Variants in PHAX observed in about 807,000 individuals in gnomAD.
PHAX encodes the protein phosphorylated adapter RNA export protein.
In PHAX, 31 loss-of-function variants were observed where a neutral mutation model predicts 41.6. That is an observed-to-expected ratio of 0.75 (90% confidence interval 0.56 to 1.01). PHAX has a LOEUF of 1.01. Ranked by LOEUF, PHAX falls within the 50% of genes least tolerant of loss-of-function variation. The pLI, the probability that PHAX is intolerant of heterozygous loss-of-function variation, is 0.00. For synonymous variants in PHAX, 175 were observed against 164.9 expected (o/e 1.06, Z -0.47); for missense variants, 453 against 472.9 (o/e 0.96, Z 0.39).
At chr5:126,620,580 T>G (rs911731205) in intron 4 of PHAX, among the ~76,000 whole-genome samples, 4 of 152,232 alleles carry the variant, frequency 2.6e-5, no homozygotes, top group African/African-American at 9.6e-5. Flanking sequence ...CACTGTATTA[T>G]GTCTTTGTAA....
intron 4 of PHAX, among the ~76,000 whole-genome samples, chr5:126,619,073 T>G (rs1433843153): frequency 6.6e-6 from 1 of 152,120 alleles, no homozygotes; most frequent in African/African-American, 2.4e-5. Context: ...ACAACAGACA[T>G]GCACCACTAT....
At chr5:126,622,472 T>C (rs971160795) in intron 4 of PHAX, among the ~76,000 whole-genome samples, 1 of 91,396 alleles carries the variant, frequency 1.1e-5, no homozygotes, top group Non-Finnish European at 2.0e-5. Context: ...TTTTTTTTTT[T>C]AGTAGAGATG....
At chr5:126,601,109 G>A (rs2112826762) in intron 1 of PHAX, 51 bp downstream of exon 1, 1 of 1,354,120 alleles carries the variant, frequency 7.4e-7, no homozygotes, top group Non-Finnish European at 1.0e-6. Flanking sequence ...CGGAGCCTGG[G>A]CCCCGGGGAG....
At chr5:126,602,457 G>A (rs1751918919) in intron 1 of PHAX, among the ~76,000 whole-genome samples, 1 of 152,246 alleles carries the variant, frequency 6.6e-6, no homozygotes, top group Non-Finnish European at 1.5e-5. Context: ...CAAGGATTCT[G>A]TGGAGCATAC....
intron 3 of PHAX, among the ~76,000 whole-genome samples, chr5:126,615,221 A>G (rs757280171): frequency 5.9e-5 from 9 of 152,034 alleles, no homozygotes; most frequent in Non-Finnish European, 1.3e-4. Context: ...CATAATTTAT[A>G]TGACTATGTG....
At chr5:126,615,508 C>CTTTTTTTTTTTT (rs35158448) in intron 3 of PHAX, among the ~76,000 whole-genome samples, 1 of 111,540 alleles carries the variant, frequency 9.0e-6, no homozygotes, top group Non-Finnish European at 1.9e-5. Flanking sequence ...ACATTCTGTG[C>CTTTTTTTTTTTT]TTTTTTTTTT....
chr5:126,603,215 A>G (rs1030263196), intron 1 of PHAX, among the ~76,000 whole-genome samples: 1 of 147,782 alleles, frequency 6.8e-6, no homozygotes, highest in Non-Finnish European at 1.5e-5. Context: ...CGGCCACAGA[A>G]CAAAACTTTG....
intron 4 of PHAX, among the ~76,000 whole-genome samples, chr5:126,621,256 G>C (rs930343471): frequency 2.0e-5 from 3 of 151,890 alleles, no homozygotes; most frequent in Non-Finnish European, 4.4e-5. Flanking sequence ...TGGCACTATC[G>C]TAGCTCACTG....
intron 3 of PHAX, among the ~76,000 whole-genome samples, chr5:126,611,544 G>A (rs1418552925): frequency 6.6e-6 from 1 of 152,104 alleles, no homozygotes; most frequent in Non-Finnish European, 1.5e-5. Context: ...CCAGCACTTT[G>A]GGGGGCCAAG....
At position 126,603,679 on chromosome 5, in the gene PHAX, GT is replaced by G; in HGVS notation, c.211del (p.Ser71LeufsTer101). 1 of 1,614,206 alleles carries G rather than the reference GT, an allele frequency of 6.2e-7. No individual in the cohort carries two copies. The highest frequency in any genetic ancestry group is 8.5e-7 in the Non-Finnish European group (1 of 1,180,042). On this transcript the variant is annotated frameshift_variant, in exon 2 of 5. Coordinates refer to ENST00000297540, the MANE Select transcript of PHAX (RefSeq NM_032177.4). LOFTEE classifies it high-confidence loss of function. The part of the protein sequence containing the change: ...AVESVDSSEE[S>X]FSDSDDDSCL... The stretch of plus-strand genomic sequence containing the variant: ...GAAAGTGTGGATTCAAGTGAAGAAA[GT>G]TTTTCTGATTCAGATGATGATAGCT...
chr5:126,618,385 A>C (rs910712076), intron 4 of PHAX, among the ~76,000 whole-genome samples: 1 of 152,074 alleles, frequency 6.6e-6, no homozygotes, highest in African/African-American at 2.4e-5. Context: ...CCCCACCAAA[A>C]AAAAAATACA....
In PHAX at chr5:126,616,651, G is replaced by A. The variant is rs533881051; in HGVS notation, c.832-599G>A. ...TCCTAGCACTTTGTGAGGCTGAGGC[G>A]GGCAGATCGCCTGAGGTCAGGAGTT... On this transcript the variant is annotated intron_variant, in intron 3 of 4. Transcript: ENST00000297540. Among the ~76,000 whole-genome samples the A allele has an allele frequency of 1.1e-3, 162 of 152,082 alleles. 1 individual carries two copies. The highest frequency in any genetic ancestry group is 3.7e-3 in the African/African-American group (153 of 41,500).
intron 2 of PHAX, among the ~76,000 whole-genome samples, chr5:126,606,994 A>G (rs952853359): frequency 6.6e-6 from 1 of 152,118 alleles, no homozygotes; most frequent in African/African-American, 2.4e-5. Flanking sequence ...CCAGAAGTAG[A>G]ATTGCTTGGT....
chr5:126,618,947 C>T (rs1481176454), intron 4 of PHAX, among the ~76,000 whole-genome samples: 7 of 152,204 alleles, frequency 4.6e-5, no homozygotes, highest in African/African-American at 7.2e-5. Context: ...TGAGCCACCA[C>T]GCCCGGCCGG....
intron 1 of PHAX, among the ~76,000 whole-genome samples, chr5:126,602,292 T>G (rs1471229714): frequency 6.6e-6 from 1 of 152,244 alleles, no homozygotes; most frequent in East Asian, 1.9e-4. Context: ...ACTGCCTTGG[T>G]AGGTAGCAAC....
At chr5:126,605,961 C>G (rs1023576697) in intron 2 of PHAX, among the ~76,000 whole-genome samples, 5 of 152,100 alleles carry the variant, frequency 3.3e-5, no homozygotes, top group Non-Finnish European at 5.9e-5. Flanking sequence ...ACCTCTGAAA[C>G]ATTTCTGTCA....
intron 4 of PHAX, among the ~76,000 whole-genome samples, chr5:126,622,782 T>G (rs1463314305): frequency 6.6e-6 from 1 of 152,054 alleles, no homozygotes; most frequent in Non-Finnish European, 1.5e-5. Context: ...AGTGAACTCT[T>G]GGAAAAAATT....
At position 126,603,877 on chromosome 5, in the gene PHAX, G is replaced by A. The variant is rs1751945137; in HGVS notation, c.404G>A (p.Gly135Asp). 6.2e-7 allele frequency: 1 copy of A among 1,613,992 alleles called. No individual in the cohort carries two copies. Among genetic ancestry groups the A allele is most frequent in the Admixed American group, 1.7e-5 (1 of 59,978 alleles). Reference protein sequence around the residue: ...QNQDAVATELGILGMEGTIDR... With the variant: ...QNQDAVATELDILGMEGTIDR... ...CAAGATGCAGTGGCCACTGAACTTG[G>A]TATCTTGGGAATGGAGGGCACTATT... The change falls in exon 2 of 5, where the codon GGT becomes GAT. Residue 135 changes from glycine (G) to aspartate (D), a missense_variant. Physicochemically the swap from Gly to Asp is moderately conservative, Grantham distance 94 (BLOSUM62 -1). Coordinates refer to ENST00000297540, the MANE Select transcript of PHAX (RefSeq NM_032177.4).
chr5:126,602,140 G>C (rs923000822), intron 1 of PHAX, among the ~76,000 whole-genome samples: 31 of 145,878 alleles, frequency 2.1e-4, no homozygotes, highest in African/African-American at 7.4e-4. Context: ...AGAGACGGGG[G>C]TTCTCCATGT....
Sources: gnomAD v4.1 joint callset for allele counts (sites outside exome capture counted in the v4.1 genomes callset) on GRCh38, gnomAD v4.1.1 for gene constraint, MANE v1.5 for transcripts, NCBI Gene and HGNC (gene_info 2026-07-23, HGNC 2026-07-21) for gene names.